Variants in HADHA observed in about 807,000 individuals in gnomAD.
HADHA encodes hydroxyacyl-CoA dehydrogenase trifunctional multienzyme complex subunit alpha.
In HADHA, 59 loss-of-function variants were observed where a neutral mutation model predicts 91.3. The observed-to-expected ratio is 0.65, with a 90% CI of 0.52 to 0.80. The LOEUF is 0.80. HADHA is among the 30% of genes least tolerant of loss of function. The pLI, the probability that HADHA is intolerant of heterozygous loss-of-function variation, is 0.00. For missense variants in HADHA, 800 were observed against 927.6 expected (o/e 0.86, Z 1.79); for synonymous variants, 320 against 338.9 (o/e 0.94, Z 0.61).
chr2:26,201,127 A>C, intron 13 of HADHA, 22 bp downstream of exon 13: 1 of 1,582,820 alleles, frequency 6.3e-7, no homozygotes, highest in Non-Finnish European at 8.7e-7. Context: ...CTAGGATTCA[A>C]GTACAACAGC....
chr2:26,192,185 C>G (rs1669526273), intron 18 of HADHA, 125 bp downstream of exon 18: 1 of 658,796 alleles, frequency 1.5e-6, no homozygotes, highest in Non-Finnish European at 2.7e-6. Flanking sequence ...ACCTATGTAA[C>G]AAACCTGCAC....
At chr2:26,211,326 G>A (rs1048224088) in intron 10 of HADHA, among the ~76,000 whole-genome samples, 2 of 151,864 alleles carry the variant, frequency 1.3e-5, no homozygotes, top group Admixed American at 1.3e-4. Context: ...TACTTGTCCT[G>A]AGCTCTTCAG....
intron 13 of HADHA, among the ~76,000 whole-genome samples, chr2:26,200,634 A>ACGTG (rs1367818022): frequency 7.9e-5 from 12 of 152,222 alleles, no homozygotes; most frequent in African/African-American, 2.4e-5. Flanking sequence ...AATAAGGTGA[A>ACGTG]CGCACCCTCA....
In HADHA at chr2:26,210,640, C is replaced by T. The variant is rs1426588709; in HGVS notation, c.976-751G>A. On this transcript the variant is annotated intron_variant, in intron 10 of 19. Transcript: ENST00000380649. This position sits in a 1 kb window ranked among gnomAD's most constrained non-coding sequence, Gnocchi z 4.0. ...ATTACAGGCGTGAGCCACCGTGCCT[C>T]GCCTCGAACTCCGGTTCTTTTTCCA... The T allele has an allele frequency of 6.6e-6, 1 of 152,260 alleles. No homozygotes were observed. The highest frequency in any genetic ancestry group is 1.5e-5 in the Non-Finnish European group (1 of 68,112). The allele number at this position is 152,260 out of a possible 1,614,324, so 9.4% of individuals were successfully genotyped here.
At chr2:26,216,627 G>A (rs1358658799) in intron 7 of HADHA, among the ~76,000 whole-genome samples, 3 of 152,032 alleles carry the variant, frequency 2.0e-5, no homozygotes, top group Admixed American at 2.0e-4. Flanking sequence ...GGACCATTTG[G>A]CCTATTTTGA....
In HADHA at chr2:26,232,159, C is replaced by T; in HGVS notation, c.573+1G>A. ...CTTCACAAAGGGGATGTTAGACTCACCATTTTGGGCAGCCTTTGTGTGCCT... is the reference window on the plus strand; with the variant it reads ...CTTCACAAAGGGGATGTTAGACTCATCATTTTGGGCAGCCTTTGTGTGCCT... On this transcript the variant is annotated splice_donor_variant, in intron 6 of 19. Coordinates refer to ENST00000380649, the MANE Select transcript of HADHA (RefSeq NM_000182.5). LOFTEE classifies it high-confidence loss of function. The T allele has an allele frequency of 6.2e-7, 1 of 1,609,976 alleles. No individual in the cohort carries two copies. The highest frequency in any genetic ancestry group is 8.5e-7 in the Non-Finnish European group (1 of 1,176,272).
chr2:26,216,639 C>T (rs946945906), intron 7 of HADHA, among the ~76,000 whole-genome samples: 1 of 151,950 alleles, frequency 6.6e-6, no homozygotes, highest in Non-Finnish European at 1.5e-5. Flanking sequence ...CTATTTTGAA[C>T]CTGTGTGGGG....
intron 10 of HADHA, chr2:26,211,889 A>C (rs1442828444): frequency 6.6e-6 from 1 of 152,628 alleles, no homozygotes; most frequent in South Asian, 2.1e-4. Context: ...CATCATCTCT[A>C]GGCCTTAACA....
intron 7 of HADHA, among the ~76,000 whole-genome samples, chr2:26,228,351 GA>G (rs1385829683): frequency 6.6e-6 from 1 of 151,976 alleles, no homozygotes; most frequent in East Asian, 1.9e-4. Context: ...GGCTGGTGTT[GA>G]ATTCCTGACC....
At chr2:26,225,214 G>A (rs1251098325) in intron 7 of HADHA, among the ~76,000 whole-genome samples, 1 of 152,268 alleles carries the variant, frequency 6.6e-6, no homozygotes, top group East Asian at 1.9e-4. Context: ...GCCAGGCACA[G>A]TGGCTCACAC....
Position 26,215,085 on chromosome 2 carries a change from A to G in HADHA, c.767T>C (p.Ile256Thr), listed in dbSNP as rs1490396477. ...CAATCCCTTGTCTCTCTTTGGAGAG[A>G]TCTTCTTATCAGCTAGTCCTTTGGC... ...TFAKGLADKK[I>T]SPKRDKGLVE... The change falls in exon 8 of 20, where the codon ATC becomes ACC. Residue 256 changes from isoleucine to threonine, a missense_variant. Coordinates refer to ENST00000380649, the MANE Select transcript of HADHA (RefSeq NM_000182.5). 6.2e-7 allele frequency: 1 copy of G among 1,609,622 alleles called. No homozygotes were observed. The highest frequency in any genetic ancestry group is 1.3e-5 in the African/African-American group (1 of 74,804).
chr2:26,209,668 T>C (rs1419873922), intron 11 of HADHA, 112 bp downstream of exon 11: 2 of 758,824 alleles, frequency 2.6e-6, no homozygotes, highest in Non-Finnish European at 4.8e-6. Flanking sequence ...GGAAAGAAGT[T>C]GAGGGCAAGA....
In HADHA at chr2:26,215,176, C is replaced by G; in HGVS notation, c.677-1G>C. 6.2e-7 allele frequency: 1 copy of G among 1,613,064 alleles called. No individual in the cohort carries two copies. Among genetic ancestry groups the G allele is most frequent in the Non-Finnish European group, 8.5e-7 (1 of 1,179,228 alleles). ...TCCTCTGGAGGTTTTAGTCCTGGTC[C>G]TATAAAAATGAATGCAACACTGGAA... On this transcript the variant is annotated splice_acceptor_variant, in intron 7 of 19. Coordinates refer to ENST00000380649, the MANE Select transcript of HADHA (RefSeq NM_000182.5). LOFTEE classifies it high-confidence loss of function.
intron 10 of HADHA, among the ~76,000 whole-genome samples, chr2:26,211,037 C>A (rs1368542298): frequency 1.3e-5 from 2 of 152,148 alleles, no homozygotes; most frequent in Non-Finnish European, 2.9e-5. Flanking sequence ...CAATGCTTTA[C>A]TAATCTTGAT....
rs1375768449 is a variant in HADHA at position 26,229,402 on chromosome 2, T to G, written c.676+790A>C. ...ATTAATACATTTACTATTATGTAAG[T>G]AATATCTCAATAATGCTGATTTTCA... On this transcript the variant is annotated intron_variant, in intron 7 of 19. Coordinates refer to ENST00000380649, the MANE Select transcript of HADHA (RefSeq NM_000182.5). The surrounding 1 kb of genome is among the most constrained non-coding windows in gnomAD (Gnocchi z 4.3). Among the ~76,000 whole-genome samples the G allele has an allele frequency of 2.0e-5, 3 of 151,836 alleles. No homozygotes were observed. Among genetic ancestry groups the G allele is most frequent in the Non-Finnish European group, 4.4e-5 (3 of 67,994 alleles).
At chr2:26,233,680 G>A (rs1359292686) in intron 5 of HADHA, among the ~76,000 whole-genome samples, 1 of 152,206 alleles carries the variant, frequency 6.6e-6, no homozygotes, top group Non-Finnish European at 1.5e-5. Context: ...AAGGACATTA[G>A]AGATGCAGTT....
At chr2:26,206,626 T>C (rs1030776269) in intron 11 of HADHA, among the ~76,000 whole-genome samples, 1 of 152,228 alleles carries the variant, frequency 6.6e-6, no homozygotes, top group African/African-American at 2.4e-5. Flanking sequence ...TTCTTTGGTT[T>C]TGTTAAAACC....
intron 17 of HADHA, among the ~76,000 whole-genome samples, chr2:26,192,725 ACT>A (rs1407810272): frequency 6.6e-6 from 1 of 151,738 alleles, no homozygotes; most frequent in African/African-American, 2.4e-5. Flanking sequence ...ACAGTGTGAG[ACT>A]CTGTCTCAAA....
chr2:26,198,632 C>G (rs543999731), intron 13 of HADHA, among the ~76,000 whole-genome samples: 73 of 145,852 alleles, frequency 5.0e-4, no homozygotes, highest in Non-Finnish European at 8.5e-4. Context: ...GATTATAATG[C>G]AATAAAAGTA....
Sources: gnomAD v4.1 joint callset for allele counts (sites outside exome capture counted in the v4.1 genomes callset) on GRCh38, gnomAD v4.1.1 for gene constraint, Gnocchi (gnomAD v3.1) non-coding constraint, MANE v1.5 for transcripts, NCBI Gene and HGNC (gene_info 2026-07-23, HGNC 2026-07-21) for gene names.